The following PLEKHM3 variants were observed in gnomAD, a reference collection of about 807,000 sequenced individuals.
The protein encoded by PLEKHM3 is pleckstrin homology domain-containing family M member 3.
Under a neutral mutation model 81.8 loss-of-function variants are expected in PLEKHM3, and 45 were observed. The ratio of observed to expected loss-of-function variants is 0.55; its 90% CI spans 0.43 to 0.71. The LOEUF is 0.71. Among genes scored for constraint, PLEKHM3 ranks in the 30% least tolerant of loss-of-function variants. PLEKHM3 has a pLI of 0.00. For synonymous variants in PLEKHM3, 352 were observed against 356.4 expected, an observed-to-expected ratio of 0.99 and a Z score of 0.14; for missense variants, 788 against 924.3, an observed-to-expected ratio of 0.85 and a Z score of 1.91.
chr2:208,019,979 G>A (rs1187275008), intron 1 of PLEKHM3, among the ~76,000 whole-genome samples: 4 of 152,210 alleles, frequency 2.6e-5, no homozygotes, highest in Admixed American at 6.6e-5. Context: ...GAGCATGTAG[G>A]AGGAGATCAT....
At chr2:207,925,170 C>T (rs1447858535) in intron 5 of PLEKHM3, among the ~76,000 whole-genome samples, 2 of 142,176 alleles carry the variant, frequency 1.4e-5, no homozygotes, top group Admixed American at 7.2e-5. Flanking sequence ...AGTGAGAGGG[C>T]AGGTAAAAAA....
chr2:207,886,459 C>A (rs148714438), intron 6 of PLEKHM3, among the ~76,000 whole-genome samples: 2 of 152,182 alleles, frequency 1.3e-5, no homozygotes, highest in Admixed American at 6.5e-5. Flanking sequence ...TGCATTCCAC[C>A]TGTGTTATTT....
At chr2:207,907,868 C>T (rs1688664676) in intron 6 of PLEKHM3, among the ~76,000 whole-genome samples, 1 of 152,196 alleles carries the variant, frequency 6.6e-6, no homozygotes. Flanking sequence ...CAGGCCCTGG[C>T]AATCACTAAC....
At chr2:207,995,421 C>T (rs1371736977) in intron 2 of PLEKHM3, among the ~76,000 whole-genome samples, 2 of 152,144 alleles carry the variant, frequency 1.3e-5, no homozygotes, top group Non-Finnish European at 2.9e-5. Flanking sequence ...GATTTACTGC[C>T]AATGAGGCTT....
intron 5 of PLEKHM3, among the ~76,000 whole-genome samples, chr2:207,923,905 A>ATATATATATATATATAT (rs1396762429): frequency 3.5e-5 from 1 of 28,340 alleles, no homozygotes; most frequent in Non-Finnish European, 6.4e-5. Flanking sequence ...ATATATATAT[A>ATATATATATATATATAT]TTTTTTTTTT....
At chr2:207,875,648 T>C (rs1006650206) in intron 6 of PLEKHM3, among the ~76,000 whole-genome samples, 1 of 152,144 alleles carries the variant, frequency 6.6e-6, no homozygotes, top group Non-Finnish European at 1.5e-5. Context: ...ACTGGCCAGA[T>C]TGAAAACACA....
At chr2:207,975,831 A>ACCTGCCTTGGCCTCCCG in intron 3 of PLEKHM3, among the ~76,000 whole-genome samples, 1 of 151,440 alleles carries the variant, frequency 6.6e-6, no homozygotes, top group Non-Finnish European at 1.5e-5. Context: ...TCCTGACCTC[A>ACCTGCCTTGGCCTCCCG]AGTAATCCAC....
At chr2:207,908,675 C>T (rs989400941) in intron 5 of PLEKHM3, 98 bp from the exon 6 acceptor site, 5 of 1,059,152 alleles carry the variant, frequency 4.7e-6, no homozygotes, top group South Asian at 1.5e-5. Context: ...CTTTCCTCTG[C>T]CCTGTCCACT....
chr2:207,941,068 C>T (rs970144349), intron 4 of PLEKHM3, among the ~76,000 whole-genome samples: 2 of 152,166 alleles, frequency 1.3e-5, no homozygotes, highest in African/African-American at 4.8e-5. Context: ...TTGGGTAGAA[C>T]TGGACACAGA....
chr2:207,998,212 A>C (rs1692183731), intron 2 of PLEKHM3, among the ~76,000 whole-genome samples: 1 of 152,220 alleles, frequency 6.6e-6, no homozygotes, highest in African/African-American at 2.4e-5. Context: ...GATGACTAAA[A>C]GGTGGCAGTG....
At chr2:207,894,223 G>C (rs1440617701) in intron 6 of PLEKHM3, among the ~76,000 whole-genome samples, 2 of 152,226 alleles carry the variant, frequency 1.3e-5, no homozygotes, top group Non-Finnish European at 2.9e-5. Flanking sequence ...GGATTATCCA[G>C]TTCCTTTGTT....
intron 4 of PLEKHM3, among the ~76,000 whole-genome samples, chr2:207,932,060 T>C (rs1689616409): frequency 6.6e-6 from 1 of 152,266 alleles, no homozygotes; most frequent in African/African-American, 2.4e-5. Context: ...CAGAATAATC[T>C]GACTGACTAG....
rs141449083 is a variant in PLEKHM3 at position 207,858,136 on chromosome 2, ATGTGTGTGTGTGTG to A, written c.2108+2955_2108+2968del. Reference sequence around the variant, plus strand: ...AAATATTTTGGGGTTTCATATAGATATGTGTGTGTGTGTGTGTGTGTGTGTGTGTGTGTGTGTGT... The same window carrying A: ...AAATATTTTGGGGTTTCATATAGATATGTGTGTGTGTGTGTGTGTGTGTGT... On this transcript the variant is annotated intron_variant, in intron 7 of 7. Transcript: ENST00000427836. 1.6e-4 allele frequency among the ~76,000 whole-genome samples: 20 copies of A among 126,960 alleles called. No homozygotes were observed. The East Asian group carries it at 3.9e-3, about 25-fold the overall frequency. The allele number at this position is 126,960 out of a possible 152,430, so 83.3% of individuals were successfully genotyped here.
intron 5 of PLEKHM3, among the ~76,000 whole-genome samples, chr2:207,909,722 G>A (rs1032203703): frequency 2.6e-5 from 4 of 152,172 alleles, no homozygotes; most frequent in Admixed American, 1.3e-4. Context: ...TGCCTGGGTA[G>A]AGCCCATAAA....
intron 3 of PLEKHM3, among the ~76,000 whole-genome samples, chr2:207,954,601 A>T (rs1690444322): frequency 6.6e-6 from 1 of 152,208 alleles, no homozygotes. Flanking sequence ...AATAAAATCA[A>T]TTCAGATTAG....
intron 6 of PLEKHM3, among the ~76,000 whole-genome samples, chr2:207,875,052 T>C (rs1055564876): frequency 6.6e-6 from 1 of 151,904 alleles, no homozygotes; most frequent in Non-Finnish European, 1.5e-5. Flanking sequence ...TAATCTTAGA[T>C]GCTATAAAAA....
At chr2:207,834,871 A>G (rs1470669005) in intron 7 of PLEKHM3, among the ~76,000 whole-genome samples, 2 of 152,056 alleles carry the variant, frequency 1.3e-5, no homozygotes, top group Non-Finnish European at 2.9e-5. Flanking sequence ...AAGCAAAGCT[A>G]AAAGTTTTAC....
Position 207,824,247 on chromosome 2 carries a change from G to A in PLEKHM3, c.*4072C>T, listed in dbSNP as rs1017312592. ...CTTCACGTTTTCACATTATTTCAGA[G>A]TAAGAAAAGAAGTGGTGCAGACAAC... On this transcript the variant is annotated 3_prime_UTR_variant, in exon 8 of 8. Transcript: ENST00000427836. 7 of 152,186 alleles carry A rather than the reference G, an allele frequency of 4.6e-5. No individual in the cohort carries two copies. The highest frequency in any genetic ancestry group is 1.7e-4 in the African/African-American group (7 of 41,438). 9.4% of individuals were successfully genotyped at this position (152,186 alleles called of 1,614,324 possible).
At chr2:207,982,484 G>A (rs190163886) in intron 2 of PLEKHM3, among the ~76,000 whole-genome samples, 12 of 151,206 alleles carry the variant, frequency 7.9e-5, no homozygotes, top group African/African-American at 3.0e-4. Context: ...TGCCCAGGCT[G>A]GTCTCAAACT....
Sources: gnomAD v4.1 joint callset for allele counts (sites outside exome capture counted in the v4.1 genomes callset) on GRCh38, gnomAD v4.1.1 for gene constraint, MANE v1.5 for transcripts, NCBI Gene and HGNC (gene_info 2026-07-23, HGNC 2026-07-21) for gene names.